Variants in CYFIP2 observed in about 807,000 individuals in gnomAD.
The protein encoded by CYFIP2 is cytoplasmic FMR1-interacting protein 2.
In CYFIP2, 29 loss-of-function variants were observed where a neutral mutation model predicts 158.7. That is an observed-to-expected ratio of 0.18 (90% confidence interval 0.14 to 0.25). CYFIP2 has a LOEUF of 0.25. Among genes scored for constraint, CYFIP2 ranks in the 10% least tolerant of loss-of-function variants. CYFIP2 has a pLI of 1.00. For synonymous variants in CYFIP2, 585 were observed against 617.6 expected (o/e 0.95, Z 0.78); for missense variants, 852 against 1,639.5 (o/e 0.52, Z 8.29).
intron 3 of CYFIP2, among the ~76,000 whole-genome samples, chr5:157,294,449 T>C (rs1008199647): frequency 2.0e-5 from 3 of 152,244 alleles, no homozygotes; most frequent in Admixed American, 6.5e-5. Context: ...TGCTACTTGC[T>C]TATTTTCTTG....
intron 21 of CYFIP2, among the ~76,000 whole-genome samples, chr5:157,333,754 A>G (rs1761656477): frequency 6.6e-6 from 1 of 152,232 alleles, no homozygotes; most frequent in African/African-American, 2.4e-5. Flanking sequence ...CTAAGAAGCT[A>G]GGGAAAATTG....
intron 22 of CYFIP2, among the ~76,000 whole-genome samples, chr5:157,340,010 G>A (rs1762132364): frequency 6.6e-6 from 1 of 152,182 alleles, no homozygotes; most frequent in Admixed American, 6.5e-5. Flanking sequence ...ATGTTTGTAA[G>A]GATATCCACG....
At chr5:157,355,212 C>G (rs139854832) in intron 23 of CYFIP2, among the ~76,000 whole-genome samples, 2 of 152,300 alleles carry the variant, frequency 1.3e-5, no homozygotes, top group East Asian at 3.9e-4. Context: ...TGTCCTATCA[C>G]TTTGTGGGGT....
At chr5:157,285,837 T>G (rs1221957050) in intron 2 of CYFIP2, among the ~76,000 whole-genome samples, 2 of 152,218 alleles carry the variant, frequency 1.3e-5, no homozygotes, top group Admixed American at 1.3e-4. Flanking sequence ...TTTTCCTTCA[T>G]GCATGTGAGG....
intron 28 of CYFIP2, among the ~76,000 whole-genome samples, chr5:157,386,334 CAGCCTCCCGAGA>C (rs1482199641): frequency 6.6e-6 from 1 of 152,162 alleles, no homozygotes; most frequent in African/African-American, 2.4e-5. Context: ...CTTCCTGCCT[CAGCCTCCCGAGA>C]AGCTGGGATG....
chr5:157,334,941 G>A (rs1392979434), intron 21 of CYFIP2, among the ~76,000 whole-genome samples: 3 of 152,202 alleles, frequency 2.0e-5, no homozygotes, highest in Admixed American at 6.5e-5. Flanking sequence ...CTATGGTTCC[G>A]CCAGATGTTA....
At chr5:157,304,793 A>G (rs1759077771) in intron 8 of CYFIP2, 1 of 154,040 alleles carries the variant, frequency 6.5e-6, no homozygotes, top group African/African-American at 2.4e-5. Context: ...GTTTTTGGGG[A>G]AGCAGGTGGC....
intron 5 of CYFIP2, among the ~76,000 whole-genome samples, chr5:157,299,167 A>C (rs1295494640): frequency 3.9e-5 from 1 of 25,536 alleles, no homozygotes; most frequent in East Asian, 0.02. Flanking sequence ...CTATCTTTGC[A>C]CCCTAGAGCC....
intron 1 of CYFIP2, among the ~76,000 whole-genome samples, chr5:157,268,754 C>T (rs1755833347): frequency 6.6e-6 from 1 of 152,222 alleles, no homozygotes; most frequent in African/African-American, 2.4e-5. Context: ...AGCCAGACAT[C>T]AGTCACCTCA....
At chr5:157,383,736 A>T (rs1238276899) in intron 28 of CYFIP2, among the ~76,000 whole-genome samples, 1 of 152,210 alleles carries the variant, frequency 6.6e-6, no homozygotes, top group East Asian at 1.9e-4. Flanking sequence ...CACTTAACGG[A>T]ACACTAGATG....
intron 1 of CYFIP2, among the ~76,000 whole-genome samples, chr5:157,273,383 C>A (rs1445801702): frequency 2.0e-5 from 3 of 152,204 alleles, no homozygotes; most frequent in African/African-American, 4.8e-5. Flanking sequence ...TATCACCCCA[C>A]CCACCTCACA....
intron 28 of CYFIP2, among the ~76,000 whole-genome samples, chr5:157,388,959 A>G (rs892900415): frequency 5.9e-5 from 9 of 152,254 alleles, no homozygotes; most frequent in Admixed American, 1.3e-4. Flanking sequence ...TTTAAAAATT[A>G]ATCCGCTACT....
intron 23 of CYFIP2, among the ~76,000 whole-genome samples, chr5:157,350,910 C>G (rs1485484604): frequency 6.6e-6 from 1 of 152,100 alleles, no homozygotes; most frequent in African/African-American, 2.4e-5. Flanking sequence ...GGGTTGAGTT[C>G]TTGATTTGAT....
chr5:157,272,127 T>G (rs1473263810), intron 1 of CYFIP2, among the ~76,000 whole-genome samples: 1 of 152,190 alleles, frequency 6.6e-6, no homozygotes, highest in Non-Finnish European at 1.5e-5. Context: ...GGAAAGTCCT[T>G]TAGCCCCCAC....
intron 13 of CYFIP2, among the ~76,000 whole-genome samples, chr5:157,316,074 A>G (rs1760118587): frequency 6.6e-6 from 1 of 150,742 alleles, no homozygotes; most frequent in Non-Finnish European, 1.5e-5. Context: ...TGGGCGACAG[A>G]GTGAGACTCT....
At position 157,360,382 on chromosome 5, in the gene CYFIP2, A is replaced by G. The variant is rs745336988; in HGVS notation, c.2908+10A>G. On this transcript the variant is annotated intron_variant, in intron 25 of 30. Transcript: ENST00000620254. The stretch of plus-strand genomic sequence containing the variant: ...GAGTATGGCTCCCCAGGTTGGTGAT[A>G]GCAAAACAATCCAGACCCCTCCCAT... The G allele has an allele frequency of 5.0e-6, 8 of 1,611,810 alleles. No individual in the cohort carries two copies. Among genetic ancestry groups the G allele is most frequent in the South Asian group, 1.1e-5 (1 of 90,896 alleles).
chr5:157,302,641 G>T (rs1202848938), intron 6 of CYFIP2, among the ~76,000 whole-genome samples, 153 bp from the exon 7 acceptor site: 2 of 152,300 alleles, frequency 1.3e-5, no homozygotes, highest in East Asian at 3.9e-4. Flanking sequence ...AACACACTCT[G>T]TTTCGACATT....
At chr5:157,341,314 A>G (rs565119539) in intron 23 of CYFIP2, among the ~76,000 whole-genome samples, 157 bp downstream of exon 23, 2 of 152,130 alleles carry the variant, frequency 1.3e-5, no homozygotes, top group African/African-American at 4.8e-5. Context: ...ACTTCAGGAG[A>G]CCGAGACCAG....
chr5:157,333,500 G>C, intron 21 of CYFIP2, 54 bp downstream of exon 21: 1 of 1,612,860 alleles, frequency 6.2e-7, no homozygotes, highest in South Asian at 1.1e-5. Flanking sequence ...CAGACTAGAA[G>C]CCTAGATGGG....
Sources: gnomAD v4.1 joint callset for allele counts (sites outside exome capture counted in the v4.1 genomes callset) on GRCh38, gnomAD v4.1.1 for gene constraint, MANE v1.5 for transcripts, NCBI Gene and HGNC (gene_info 2026-07-23, HGNC 2026-07-21) for gene names.